The following PTGES3L variants were observed in gnomAD, a reference collection of about 807,000 sequenced individuals.
PTGES3L encodes putative protein PTGES3L.
In PTGES3L, 17 loss-of-function variants were observed where a neutral mutation model predicts 25.0. The observed-to-expected ratio is 0.68, with a 90% CI of 0.47 to 1.02. PTGES3L has a LOEUF of 1.02. PTGES3L is among the 50% of genes least tolerant of loss of function. PTGES3L has a pLI of 0.00. For missense variants in PTGES3L, 202 were observed against 197.5 expected (o/e 1.02, Z -0.14); for synonymous variants, 59 against 65.7 (o/e 0.90, Z 0.50).
intron 4 of PTGES3L, among the ~76,000 whole-genome samples, chr17:42,977,712 G>T (rs1190238781): frequency 6.7e-6 from 1 of 149,890 alleles, no homozygotes; most frequent in African/African-American, 2.5e-5. Context: ...AAGAAAGAAA[G>T]AAAAGAAAGA....
chr17:42,976,291 C>T (rs1296817510), intron 4 of PTGES3L, among the ~76,000 whole-genome samples: 6 of 152,056 alleles, frequency 3.9e-5, no homozygotes, highest in African/African-American at 1.4e-4. Context: ...CATTTTTCAA[C>T]AGAAGCTTAT....
Position 42,979,634 on chromosome 17 carries a change from C to CT in PTGES3L, c.37dup (p.Arg13LysfsTer12). The CT allele has an allele frequency of 6.2e-7, 1 of 1,614,166 alleles. No individual in the cohort carries two copies. The highest frequency in any genetic ancestry group is 8.5e-7 in the Non-Finnish European group (1 of 1,180,040). ...AAACTCCATGAACACATACCTGGGCCTGTCGTACCACAAGGTCCGGGCGTG... is the reference window on the plus strand; with the variant it reads ...AAACTCCATGAACACATACCTGGGCCTTGTCGTACCACAAGGTCCGGGCGTG... On this transcript the variant is annotated frameshift_variant, in exon 2 of 7. Coordinates refer to ENST00000591916, the MANE Select transcript of PTGES3L (RefSeq NM_001261430.2). LOFTEE classifies it high-confidence loss of function.
chr17:42,978,388 C>T (rs918025592), intron 4 of PTGES3L, among the ~76,000 whole-genome samples: 1 of 152,094 alleles, frequency 6.6e-6, no homozygotes, highest in African/African-American at 2.4e-5. Context: ...GCCTGTGCTA[C>T]GGGAGTGAGA....
At chr17:42,973,380 G>A (rs1365091638) in intron 4 of PTGES3L, among the ~76,000 whole-genome samples, 1 of 137,306 alleles carries the variant, frequency 7.3e-6, no homozygotes, top group Non-Finnish European at 1.6e-5. Flanking sequence ...GGGGGGGTCA[G>A]CCCCCTGCCC....
At position 42,968,897 on chromosome 17, in the gene PTGES3L, A is replaced by G. The variant is rs985150254; in HGVS notation, c.*251T>C. 3.3e-5 allele frequency: 15 copies of G among 457,840 alleles called. No homozygotes were observed. Among genetic ancestry groups the G allele is most frequent in the Non-Finnish European group, 5.1e-5 (13 of 255,886 alleles). 28.4% of individuals were successfully genotyped at this position (457,840 alleles called of 1,614,324 possible). On this transcript the variant is annotated 3_prime_UTR_variant, in exon 7 of 7. Coordinates refer to ENST00000591916, the MANE Select transcript of PTGES3L (RefSeq NM_001261430.2). Reference sequence around the variant, plus strand: ...GGCCTAAACACAGAGATTAGAAACCAATCAGTAAGAAATCAGAAGCCCTAC... The same window carrying G: ...GGCCTAAACACAGAGATTAGAAACCGATCAGTAAGAAATCAGAAGCCCTAC...
rs901344145 is a variant in PTGES3L at position 42,970,413 on chromosome 17, A to G, written c.379-71T>C. On this transcript the variant is annotated intron_variant, in intron 5 of 6. Coordinates refer to ENST00000591916, the MANE Select transcript of PTGES3L (RefSeq NM_001261430.2). ...AGAACAATCTGCACATTGATGGTCC[A>G]TAGAAGAATGGTTGCAGCCAGAACT... The G allele has an allele frequency of 3.8e-6, 6 of 1,581,856 alleles. No individual in the cohort carries two copies. The African/African-American group carries it at 8.1e-5, about 21-fold the overall frequency.
chr17:42,972,520 C>T (rs1272424535), intron 4 of PTGES3L, among the ~76,000 whole-genome samples: 3 of 152,174 alleles, frequency 2.0e-5, no homozygotes, highest in Non-Finnish European at 4.4e-5. Context: ...GACGGGGTTT[C>T]GCTGTGTTGG....
Position 42,968,843 on chromosome 17 carries a change from C to G in PTGES3L, c.*305G>C. 1 of 336,808 alleles carries G rather than the reference C, an allele frequency of 3.0e-6. No homozygotes were observed. The highest frequency in any genetic ancestry group is 5.4e-6 in the Non-Finnish European group (1 of 185,556). 20.9% of individuals were successfully genotyped at this position (336,808 alleles called of 1,614,324 possible). On this transcript the variant is annotated 3_prime_UTR_variant, in exon 7 of 7. Coordinates refer to ENST00000591916, the MANE Select transcript of PTGES3L (RefSeq NM_001261430.2). The stretch of plus-strand genomic sequence containing the variant: ...TTCTTCTTTGGCTTTTGTTTTGCCA[C>G]ATACACACACATACTCAAATAATCA...
rs202188766 is a variant in PTGES3L, at chr17:42,969,192, G to C, written c.433-6C>G. Reference sequence around the variant, plus strand: ...TCAGCACTGTCAGAATCATCCTGGGGGCGGGGGGGAAAAAAGACAAAGCAC... The same window carrying C: ...TCAGCACTGTCAGAATCATCCTGGGCGCGGGGGGGAAAAAAGACAAAGCAC... On this transcript the variant is annotated splice_polypyrimidine_tract_variant and splice_region_variant and intron_variant, in intron 6 of 6. Coordinates refer to ENST00000591916, the MANE Select transcript of PTGES3L (RefSeq NM_001261430.2). 3 of 772,402 alleles carry C rather than the reference G, an allele frequency of 3.9e-6. No homozygotes were observed. Among genetic ancestry groups the C allele is most frequent in the African/African-American group, 1.1e-4 (2 of 18,990 alleles). 47.8% of individuals were successfully genotyped at this position (772,402 alleles called of 1,614,324 possible). A position where few individuals can be genotyped will look rare whatever the true frequency, so the allele number is the denominator to read the frequency against.
chr17:42,973,086 C>G (rs1439479108), intron 4 of PTGES3L, among the ~76,000 whole-genome samples: 95 of 138,506 alleles, frequency 6.9e-4, no homozygotes, highest in African/African-American at 2.3e-3. Flanking sequence ...CTCTGCCTGG[C>G]AACCACCCCG....
At chr17:42,970,668 TAAC>T (rs2049816194) in intron 5 of PTGES3L, among the ~76,000 whole-genome samples, 1 of 130,016 alleles carries the variant, frequency 7.7e-6, no homozygotes, top group East Asian at 2.2e-4. Context: ...TTGTCTGGCT[TAAC>T]ACGCGCACAC....
intron 4 of PTGES3L, among the ~76,000 whole-genome samples, chr17:42,975,769 C>T (rs142593514): frequency 0.01 from 1,546 of 152,160 alleles, 19 homozygotes; most frequent in Middle Eastern, 0.034. Flanking sequence ...CTCTGCCTCC[C>T]GGGTTCAAGC....
intron 4 of PTGES3L, among the ~76,000 whole-genome samples, chr17:42,977,800 C>T (rs890029803): frequency 1.3e-5 from 2 of 151,916 alleles, no homozygotes; most frequent in East Asian, 1.9e-4. Flanking sequence ...TGGCAGAGGC[C>T]GGGTGCAGTG....
rs1214118175 is a variant in PTGES3L at position 42,971,625 on chromosome 17, A to G, written c.360T>C (p.His120=). The G allele has an allele frequency of 1.2e-6, 2 of 1,614,076 alleles. No individual in the cohort carries two copies. The highest frequency in any genetic ancestry group is 1.1e-5 in the South Asian group (1 of 91,090). ...WEGDEEMELA[H]VEHYAELLKK... ...CTCTCACCTCTGCATAATGTTCCACATGAGCCAGCTCCATCTCTTCATCCC... is the reference window on the plus strand; with the variant it reads ...CTCTCACCTCTGCATAATGTTCCACGTGAGCCAGCTCCATCTCTTCATCCC... Residue 120 remains histidine, a synonymous_variant, in exon 5 of 7, where the codon CAT becomes CAC. Transcript: ENST00000591916.
chr17:42,977,974 A>C (rs967989984), intron 4 of PTGES3L, among the ~76,000 whole-genome samples: 16 of 144,798 alleles, frequency 1.1e-4, no homozygotes, highest in African/African-American at 4.0e-4. Flanking sequence ...GCTACTCGGG[A>C]GACTGAGGCA....
At chr17:42,973,360 G>A (rs1416136962) in intron 4 of PTGES3L, among the ~76,000 whole-genome samples, 1 of 7,632 alleles carries the variant, frequency 1.3e-4, no homozygotes, top group Non-Finnish European at 5.9e-4. Flanking sequence ...CCCCGTCCGG[G>A]AGGGAAGTGG....
intron 4 of PTGES3L, among the ~76,000 whole-genome samples, chr17:42,978,038 T>G (rs1279610768): frequency 1.7e-5 from 2 of 114,950 alleles, no homozygotes; most frequent in African/African-American, 6.5e-5. Context: ...GATCATGCCA[T>G]TGCACTCCAG....
intron 3 of PTGES3L, 43 bp from the exon 4 acceptor site, chr17:42,979,311 A>G (rs370148035): frequency 1.6e-5 from 26 of 1,614,002 alleles, no homozygotes; most frequent in Non-Finnish European, 2.1e-5. Flanking sequence ...GGGGTTTAGA[A>G]TTAATCTCCA....
At chr17:42,979,934 G>A in intron 1 of PTGES3L, 112 bp downstream of exon 1, 1 of 1,454,744 alleles carries the variant, frequency 6.9e-7, no homozygotes, top group Non-Finnish European at 9.0e-7. Flanking sequence ...ACAGAGACCA[G>A]GGGTCCGGGG....
Sources: gnomAD v4.1 joint callset for allele counts (sites outside exome capture counted in the v4.1 genomes callset) on GRCh38, gnomAD v4.1.1 for gene constraint, MANE v1.5 for transcripts, NCBI Gene and HGNC (gene_info 2026-07-23, HGNC 2026-07-21) for gene names.